The following ZFYVE9 variants were observed in gnomAD, a reference collection of about 807,000 sequenced individuals.
ZFYVE9 encodes zinc finger FYVE-type containing 9.
A neutral mutation model predicts 126.7 loss-of-function variants in ZFYVE9; 43 were observed. That is an observed-to-expected ratio of 0.34 (90% confidence interval 0.27 to 0.44). The LOEUF is 0.44. Ranked by LOEUF, ZFYVE9 falls within the 20% of genes least tolerant of loss-of-function variation. The pLI, the probability that ZFYVE9 is intolerant of heterozygous loss-of-function variation, is 1.00. For synonymous variants in ZFYVE9, 521 were observed against 597.4 expected, an observed-to-expected ratio of 0.87 and a Z score of 1.87; for missense variants, 1,476 against 1,697.0, an observed-to-expected ratio of 0.87 and a Z score of 2.29.
intron 13 of ZFYVE9, among the ~76,000 whole-genome samples, chr1:52,327,122 C>T (rs1465757610): frequency 6.6e-6 from 1 of 151,886 alleles, no homozygotes; most frequent in Non-Finnish European, 1.5e-5. Context: ...GATTGCACCA[C>T]TACACTCCAG....
chr1:52,181,478 A>G (rs1427727000), intron 1 of ZFYVE9, among the ~76,000 whole-genome samples: 1 of 152,150 alleles, frequency 6.6e-6, no homozygotes, highest in Non-Finnish European at 1.5e-5. Flanking sequence ...CAAAGTGCCG[A>G]GATTGCAGCC....
At chr1:52,188,956 G>T (rs1557446644) in intron 1 of ZFYVE9, among the ~76,000 whole-genome samples, 1 of 151,704 alleles carries the variant, frequency 6.6e-6, no homozygotes, top group Non-Finnish European at 1.5e-5. Context: ...TATTTATTTT[G>T]AGATGGAGTC....
chr1:52,179,827 T>A, intron 1 of ZFYVE9: 1 of 626,168 alleles, frequency 1.6e-6, no homozygotes, highest in South Asian at 1.7e-5. Flanking sequence ...CACAGCTGGC[T>A]TCAGCAATTG....
intron 13 of ZFYVE9, among the ~76,000 whole-genome samples, chr1:52,319,173 T>C (rs1646214616): frequency 6.6e-6 from 1 of 152,160 alleles, no homozygotes; most frequent in Admixed American, 6.6e-5. Flanking sequence ...ACTTATACAC[T>C]GAAAACTACA....
At chr1:52,234,790 A>G (rs986475054) in intron 3 of ZFYVE9, among the ~76,000 whole-genome samples, 1 of 152,202 alleles carries the variant, frequency 6.6e-6, no homozygotes, top group Non-Finnish European at 1.5e-5. Context: ...TGTACATACC[A>G]GGCTGGAAGG....
chr1:52,143,804 C>T (rs1644283747), intron 1 of ZFYVE9, among the ~76,000 whole-genome samples: 1 of 152,194 alleles, frequency 6.6e-6, no homozygotes, highest in South Asian at 2.1e-4. Context: ...ACCTTCTATG[C>T]AGCATGGGGT....
Position 52,207,565 on chromosome 1 carries a change from G to C in ZFYVE9, c.-142-8804G>C, listed in dbSNP as rs185196680. On this transcript the variant is annotated intron_variant, in intron 1 of 18. Transcript: ENST00000287727. Reference sequence around the variant, plus strand: ...ATCTGCAGGAATAAAGCTCTTTTCAGAGCTTATTTCATTTCTTTTTTCTGC... The same window carrying C: ...ATCTGCAGGAATAAAGCTCTTTTCACAGCTTATTTCATTTCTTTTTTCTGC... 4.1e-3 allele frequency among the ~76,000 whole-genome samples: 631 copies of C among 152,276 alleles called. 3 individuals carry two copies. Among genetic ancestry groups the C allele is most frequent in the Non-Finnish European group, 5.8e-3 (396 of 68,022 alleles).
At chr1:52,232,418 C>T (rs1007508226) in intron 2 of ZFYVE9, among the ~76,000 whole-genome samples, 12 of 152,030 alleles carry the variant, frequency 7.9e-5, no homozygotes, top group South Asian at 4.1e-4. Context: ...AAATGGTACT[C>T]GAAGAGGGTT....
At chr1:52,166,921 A>G (rs1282665292) in intron 1 of ZFYVE9, among the ~76,000 whole-genome samples, 2 of 152,204 alleles carry the variant, frequency 1.3e-5, no homozygotes, top group African/African-American at 2.4e-5. Flanking sequence ...TAAGGCTTAC[A>G]TTTCATGCTT....
rs114624911 is a variant in ZFYVE9 at position 52,259,417 on chromosome 1, A to G, written c.2179-4356A>G. ...TTTTTTTAAATTTTTTTCTAATTTA[A>G]AAAGTACAGAAAAAACTAATCAAAA... On this transcript the variant is annotated intron_variant, in intron 4 of 18. Coordinates refer to ENST00000287727, the MANE Select transcript of ZFYVE9 (RefSeq NM_004799.4). Among the ~76,000 whole-genome samples, 598 of 152,236 alleles carry G rather than the reference A, an allele frequency of 3.9e-3. 12 individuals carry two copies. The South Asian group carries it at 0.044, about 11-fold the overall frequency.
intron 13 of ZFYVE9, among the ~76,000 whole-genome samples, chr1:52,310,715 T>TA (rs1411185920): frequency 6.6e-6 from 1 of 152,214 alleles, no homozygotes; most frequent in East Asian, 1.9e-4. Context: ...GCTGATGAGT[T>TA]AAAGTGATTG....
At chr1:52,185,748 C>A (rs1018726231) in intron 1 of ZFYVE9, among the ~76,000 whole-genome samples, 4 of 151,778 alleles carry the variant, frequency 2.6e-5, no homozygotes, top group African/African-American at 7.3e-5. Flanking sequence ...ATGGTGAAAC[C>A]CCATCTCTAC....
Position 52,344,869 on chromosome 1 carries a change from C to G in ZFYVE9, c.4041C>G (p.Leu1347=), listed in dbSNP as rs145347233. The change falls in exon 18 of 19, where the codon CTC becomes CTG. Residue 1347 remains leucine (L), a synonymous_variant. Coordinates refer to ENST00000287727, the MANE Select transcript of ZFYVE9 (RefSeq NM_004799.4). The stretch of plus-strand genomic sequence containing the variant: ...TTGCCAAAGCTTTTTGCCTTGCTCT[C>G]TGTCCTCACCTGAAACTTCTGAAGG... ...EHVAKAFCLA[L]CPHLKLLKED... The G allele has an allele frequency of 1.8e-5, 29 of 1,614,108 alleles. No homozygotes were observed. Among genetic ancestry groups the G allele is most frequent in the Admixed American group, 5.0e-5 (3 of 60,004 alleles).
chr1:52,288,186 T>G (rs1645881145), intron 10 of ZFYVE9, among the ~76,000 whole-genome samples: 1 of 152,232 alleles, frequency 6.6e-6, no homozygotes, highest in Non-Finnish European at 1.5e-5. Flanking sequence ...AAGGCCTAAG[T>G]AACTTAAGAT....
intron 13 of ZFYVE9, among the ~76,000 whole-genome samples, chr1:52,319,263 T>G (rs1292815184): frequency 6.6e-6 from 1 of 152,196 alleles, no homozygotes; most frequent in Non-Finnish European, 1.5e-5. Context: ...CTGTTAAGAT[T>G]GCAGTAGTCC....
chr1:52,202,004 G>A (rs1039022326), intron 1 of ZFYVE9, among the ~76,000 whole-genome samples: 4 of 151,868 alleles, frequency 2.6e-5, no homozygotes, highest in East Asian at 3.9e-4. Context: ...GGTTGGTCTC[G>A]AACTCCTGAC....
At chr1:52,334,449 A>G (rs1288510964) in intron 14 of ZFYVE9, among the ~76,000 whole-genome samples, 4 of 152,216 alleles carry the variant, frequency 2.6e-5, no homozygotes, top group Non-Finnish European at 5.9e-5. Flanking sequence ...AGATACTTGG[A>G]TTCTTAATTA....
rs752372467 is a variant in ZFYVE9, at chr1:52,334,688, T to C, written c.3590T>C (p.Val1197Ala). The C allele has an allele frequency of 3.1e-6, 5 of 1,613,758 alleles. No homozygotes were observed. The highest frequency in any genetic ancestry group is 1.3e-5 in the African/African-American group (1 of 75,036). ...AISIHNQPRK[V>A]TGASFFVFSG... ...TAAACTATTTCTATTGCTGTTTTAGTGACTGGTGCCAGTTTCTTTGTGTTC... is the reference window on the plus strand; with the variant it reads ...TAAACTATTTCTATTGCTGTTTTAGCGACTGGTGCCAGTTTCTTTGTGTTC... Residue 1197 changes from valine to alanine, a missense_variant and splice_region_variant, in exon 15 of 19, where the codon GTG (valine) becomes GCG (alanine). By Grantham distance (64) the Val-to-Ala change is moderately conservative. This residue lies in a region of ZFYVE9 where 669 missense variants were observed against 902.4 expected (regional missense o/e 0.74). Coordinates refer to ENST00000287727, the MANE Select transcript of ZFYVE9 (RefSeq NM_004799.4).
chr1:52,178,645 T>G (rs939201767), intron 1 of ZFYVE9, among the ~76,000 whole-genome samples: 6 of 152,118 alleles, frequency 3.9e-5, no homozygotes, highest in Non-Finnish European at 5.9e-5. Flanking sequence ...GTTGAAGATT[T>G]AGAAAGATTA....
Sources: allele counts gnomAD v4.1 joint callset (sites outside exome capture counted in the v4.1 genomes callset), GRCh38; gene constraint gnomAD v4.1.1; regional missense constraint gnomAD v4.1.1; transcripts MANE v1.5; gene names NCBI Gene and HGNC (gene_info 2026-07-23, HGNC 2026-07-21).